PTGER4: variants seen among roughly 807,000 people sequenced by gnomAD.
PTGER4 encodes the protein prostaglandin E receptor 4.
In PTGER4, 11 loss-of-function variants were observed where a neutral mutation model predicts 33.2. That is an observed-to-expected ratio of 0.33 (90% CI 0.21 to 0.55). PTGER4 has a LOEUF of 0.55. Ranked by LOEUF, PTGER4 falls within the 20% of genes least tolerant of loss-of-function variation. The probability of loss-of-function intolerance (pLI) is 0.92; values close to 1 mark genes in which losing one functional copy is unlikely to be tolerated. For missense variants in PTGER4, 481 were observed against 650.2 expected, an observed-to-expected ratio of 0.74 and a Z score of 2.83; for synonymous variants, 275 against 281.5, an observed-to-expected ratio of 0.98 and a Z score of 0.23.
rs1480226983 is a variant in PTGER4, at chr5:40,692,688, A to G, written c.*310A>G. 5 of 1,088,610 alleles carry G rather than the reference A, an allele frequency of 4.6e-6. No homozygotes were observed. Among genetic ancestry groups the G allele is most frequent in the Non-Finnish European group, 3.4e-6 (3 of 894,490 alleles). 67.4% of individuals were successfully genotyped at this position (1,088,610 alleles called of 1,614,324 possible). A position where few individuals can be genotyped will look rare whatever the true frequency, so the allele number is the denominator to read the frequency against. The stretch of plus-strand genomic sequence containing the variant: ...GTAGAAGTTTGGCTGCTGTCATAAC[A>G]TCCAGAGCTTTGTCGTATTTGGCAC... On this transcript the variant is annotated 3_prime_UTR_variant, in exon 3 of 3. Transcript: ENST00000302472.
chr5:40,713,143 T>A, the PTGER4 span, among the ~76,000 whole-genome samples: 2 of 152,112 alleles, frequency 1.3e-5, no homozygotes, highest in Non-Finnish European at 2.9e-5. Flanking sequence ...TGAAGATAAT[T>A]ATTATGGAAC....
chr5:40,707,610 T>G, the PTGER4 span, among the ~76,000 whole-genome samples: 2 of 152,108 alleles, frequency 1.3e-5, no homozygotes, highest in Non-Finnish European at 2.9e-5. Flanking sequence ...CTGTCAACAT[T>G]AGACAGATCC....
At chr5:40,710,934 G>C in the PTGER4 span, among the ~76,000 whole-genome samples, 1 of 152,076 alleles carries the variant, frequency 6.6e-6, no homozygotes, top group Non-Finnish European at 1.5e-5. Context: ...TTGTGTGGTG[G>C]GGGGAAAGGG....
At position 40,681,038 on chromosome 5, in the gene PTGER4, C is replaced by G. The variant is rs1239342127; in HGVS notation, c.45C>G (p.Asp15Glu). The G allele has an allele frequency of 1.2e-6, 2 of 1,614,012 alleles. No homozygotes were observed. Among genetic ancestry groups the G allele is most frequent in the Non-Finnish European group, 1.7e-6 (2 of 1,179,996 alleles). The part of the protein sequence containing the change: ...GVNSSASLSP[D>E]RLNSPVTIPA... Reference sequence around the variant, plus strand: ...ATTCGTCCGCCTCCTTGAGCCCCGACCGGCTGAACAGCCCAGTGACCATCC... The same window carrying G: ...ATTCGTCCGCCTCCTTGAGCCCCGAGCGGCTGAACAGCCCAGTGACCATCC... The change falls in exon 2 of 3, where the codon GAC becomes GAG. Residue 15 changes from aspartate (D) to glutamate (E), a missense_variant. Asp to Glu is a conservative substitution (Grantham distance 45, BLOSUM62 2). This residue lies in a region of PTGER4 where 26 missense variants were observed against 21.0 expected (regional missense o/e 1.24). Coordinates refer to ENST00000302472, the MANE Select transcript of PTGER4 (RefSeq NM_000958.3). This position sits in a 1 kb window ranked among gnomAD's most constrained non-coding sequence, Gnocchi z 9.8.
downstream of PTGER4, among the ~76,000 whole-genome samples, chr5:40,697,262 G>GAAAGAA (rs1554024613): frequency 1.0e-4 from 12 of 117,572 alleles, no homozygotes; most frequent in African/African-American, 3.2e-4. Flanking sequence ...AAGAAAGAAA[G>GAAAGAA]AAAGAAAGAA....
chr5:40,688,371 C>T (rs940854975), intron 2 of PTGER4, among the ~76,000 whole-genome samples: 2 of 152,134 alleles, frequency 1.3e-5, no homozygotes, highest in East Asian at 3.9e-4. Flanking sequence ...TAAACCCGGC[C>T]GTAGGTCTTT....
chr5:40,698,092 C>CAAAAAAAA (rs1156254550), downstream of PTGER4, among the ~76,000 whole-genome samples: 1,908 of 39,972 alleles, frequency 0.048, 237 homozygotes, highest in East Asian at 0.068. Context: ...CCTGTCTCTA[C>CAAAAAAAA]AAAAAAAAAA....
chr5:40,692,921 A>C lies in PTGER4; in HGVS notation c.*543A>C. Reference sequence around the variant, plus strand: ...AAATTATCGCAACCCCTCTCCTTCCAGTATAACCAGCTGAAGTTGCAGATG... The same window carrying C: ...AAATTATCGCAACCCCTCTCCTTCCCGTATAACCAGCTGAAGTTGCAGATG... On this transcript the variant is annotated 3_prime_UTR_variant, in exon 3 of 3. Coordinates refer to ENST00000302472, the MANE Select transcript of PTGER4 (RefSeq NM_000958.3). 1 of 979,302 alleles carries C rather than the reference A, an allele frequency of 1.0e-6. No individual in the cohort carries two copies. Among genetic ancestry groups the C allele is most frequent in the Non-Finnish European group, 1.2e-6 (1 of 823,922 alleles). 60.7% of individuals were successfully genotyped at this position (979,302 alleles called of 1,614,324 possible).
chr5:40,696,932 T>A (rs146225047), downstream of PTGER4, among the ~76,000 whole-genome samples: 746 of 137,044 alleles, frequency 5.4e-3, 4 homozygotes, highest in African/African-American at 0.018. Flanking sequence ...GATGTCCCCA[T>A]GGTAAGAAAG....
chr5:40,738,154 G>A, the PTGER4 span, among the ~76,000 whole-genome samples: 4 of 152,278 alleles, frequency 2.6e-5, no homozygotes, highest in Admixed American at 6.5e-5. Flanking sequence ...GCTCATGCCT[G>A]TAATCCCAGC....
chr5:40,693,569 T>A lies in PTGER4; in HGVS notation c.*1191T>A, dbSNP rs1741523040. ...GTAACTCCCAGTGATGCTGTACACA[T>A]ATTTGAAGGGTCTTTCTCAAAGAAA... On this transcript the variant is annotated 3_prime_UTR_variant, in exon 3 of 3. Transcript: ENST00000302472. 1 of 985,854 alleles carries A rather than the reference T, an allele frequency of 1.0e-6. No individual in the cohort carries two copies. The highest frequency in any genetic ancestry group is 1.7e-5 in the African/African-American group (1 of 57,238). The allele number at this position is 985,854 out of a possible 1,614,324, so 61.1% of individuals were successfully genotyped here. A position where few individuals can be genotyped will look rare whatever the true frequency, so the allele number is the denominator to read the frequency against.
At chr5:40,697,088 A>AAG (rs1166749529), downstream of PTGER4, among the ~76,000 whole-genome samples, 3 of 76,920 alleles carry the variant, frequency 3.9e-5, no homozygotes, top group African/African-American at 1.1e-4. Flanking sequence ...GAAGGAAGGA[A>AAG]AGAAAGAGAA....
the PTGER4 span, among the ~76,000 whole-genome samples, chr5:40,743,674 G>A: frequency 6.6e-6 from 1 of 152,158 alleles, no homozygotes; most frequent in East Asian, 1.9e-4. Flanking sequence ...CTGGGAGGCT[G>A]AGGCAGGGAG....
chr5:40,694,249 C>T (rs1164541968), downstream of PTGER4, among the ~76,000 whole-genome samples: 1 of 152,064 alleles, frequency 6.6e-6, no homozygotes, highest in Non-Finnish European at 1.5e-5. Flanking sequence ...CATGTCATGC[C>T]ATGTTGGCCA....
At chr5:40,685,816 C>G (rs1481348832) in intron 2 of PTGER4, among the ~76,000 whole-genome samples, 2 of 152,166 alleles carry the variant, frequency 1.3e-5, no homozygotes, top group Non-Finnish European at 2.9e-5. Flanking sequence ...GCTCATTTCA[C>G]CATGCTTTCT....
the PTGER4 span, among the ~76,000 whole-genome samples, chr5:40,723,725 C>T: frequency 2.9e-4 from 44 of 152,062 alleles, no homozygotes; most frequent in African/African-American, 9.4e-4. Context: ...ATTAGCCAGG[C>T]GTGGTGATGG....
chr5:40,702,769 A>T, the PTGER4 span, among the ~76,000 whole-genome samples: 1 of 152,240 alleles, frequency 6.6e-6, no homozygotes, highest in Non-Finnish European at 1.5e-5. Context: ...TGGACATAAA[A>T]ACAATCCTCA....
the PTGER4 span, among the ~76,000 whole-genome samples, chr5:40,712,009 T>C: frequency 6.6e-6 from 1 of 152,120 alleles, no homozygotes; most frequent in Non-Finnish European, 1.5e-5. Flanking sequence ...AGTGGGTGTT[T>C]ACATTTGTCA....
At chr5:40,703,902 C>CAAAAAAAAAAAAA in the PTGER4 span, among the ~76,000 whole-genome samples, 11 of 37,264 alleles carry the variant, frequency 3.0e-4, no homozygotes, top group Admixed American at 4.4e-4. Flanking sequence ...GACGCCGTCT[C>CAAAAAAAAAAAAA]AAAAAAAAAA....
Sources: gnomAD v4.1 joint callset for allele counts (sites outside exome capture counted in the v4.1 genomes callset) on GRCh38, gnomAD v4.1.1 for gene constraint, gnomAD v4.1.1 regional missense constraint, Gnocchi (gnomAD v3.1) non-coding constraint, MANE v1.5 for transcripts, NCBI Gene and HGNC (gene_info 2026-07-23, HGNC 2026-07-21) for gene names.